Variants in ANAPC2 observed in about 807,000 individuals in gnomAD.
The protein encoded by ANAPC2 is anaphase promoting complex subunit 2.
Under a neutral mutation model 84.3 loss-of-function variants are expected in ANAPC2, and 29 were observed. That is an observed-to-expected ratio of 0.34 (90% CI 0.26 to 0.47). ANAPC2 has a LOEUF of 0.47. Ranked by LOEUF, ANAPC2 falls within the 20% of genes least tolerant of loss-of-function variation. The pLI is 1.00. For missense variants in ANAPC2, 857 were observed against 1,131.7 expected, an observed-to-expected ratio of 0.76 and a Z score of 3.48; for synonymous variants, 571 against 479.4, an observed-to-expected ratio of 1.19 and a Z score of -2.50.
At chr9:137,176,205 G>A (rs529496616) in intron 10 of ANAPC2, 36 of 167,208 alleles carry the variant, frequency 2.2e-4, no homozygotes, top group South Asian at 3.1e-4. Flanking sequence ...ACAGGCAGGC[G>A]GGGAGGGGGC....
rs1281400286 is a variant in ANAPC2 at position 137,187,780 on chromosome 9, C to T, written c.441G>A (p.Gln147=). The stretch of plus-strand genomic sequence containing the variant: ...TAGTGTGGACTTCTTCTCGCAGCCC[C>T]TGAGCACCAGTGCCCATCAGCAAGC... ...RLGLLMGTGA[Q]GLREEVHTML... The change falls in exon 2 of 13, where the codon CAG becomes CAA. Residue 147 remains glutamine, a synonymous_variant. Transcript: ENST00000323927. 6.2e-7 allele frequency: 1 copy of T among 1,613,726 alleles called. No homozygotes were observed. The highest frequency in any genetic ancestry group is 1.1e-5 in the South Asian group (1 of 91,088).
Position 137,180,248 on chromosome 9 carries a change from T to C in ANAPC2, c.1823A>G (p.Lys608Arg). 1 of 1,613,832 alleles carries C rather than the reference T, an allele frequency of 6.2e-7. No homozygotes were observed. Among genetic ancestry groups the C allele is most frequent in the Non-Finnish European group, 8.5e-7 (1 of 1,180,028 alleles). The change falls in exon 10 of 13, where the codon AAG becomes AGG. Residue 608 changes from lysine to arginine, a missense_variant. This residue lies in a region of ANAPC2 where 425 missense variants were observed against 595.5 expected (regional missense o/e 0.71). Transcript: ENST00000323927. ...SEFWPPFKDE[K>R]LEVPEDIRAA... ...CCTGATATCCTCGGGGACCTCCAGC[T>C]TCTCGTCCTTGAAGGGCGGCCAGAA...
Position 137,187,556 on chromosome 9 carries a change from G to A in ANAPC2, c.665C>T (p.Ala222Val), listed in dbSNP as rs763381371. 6.2e-7 allele frequency: 1 copy of A among 1,613,872 alleles called. No individual in the cohort carries two copies. The highest frequency in any genetic ancestry group is 8.5e-7 in the Non-Finnish European group (1 of 1,180,032). ...YYRLLQSPLC[A>V]GCSSDKQQCW... ...CTGTTGCTTGTCACTGCTGCACCCT[G>A]CACACAGCGGGCTCTGCAGGAGCCG... Residue 222 changes from alanine to valine, a missense_variant, in exon 2 of 13, where the codon GCA becomes GTA. By Grantham distance (64) the Ala-to-Val change is moderately conservative. Around this residue, in one of 3 missense-constraint regions of ANAPC2, gnomAD observed 428 missense variants for 513.8 expected, o/e 0.83. Transcript: ENST00000323927.
Position 137,175,009 on chromosome 9 carries a change from T to C in ANAPC2, c.2402A>G (p.Lys801Arg), listed in dbSNP as rs1409628977. The C allele has an allele frequency of 6.2e-7, 1 of 1,604,842 alleles. No homozygotes were observed. The highest frequency in any genetic ancestry group is 1.3e-5 in the African/African-American group (1 of 74,828). Residue 801 changes from lysine (K) to arginine (R), a missense_variant, in exon 13 of 13, where the codon AAG becomes AGG. By Grantham distance (26) the Lys-to-Arg change is conservative. Around this residue, in one of 3 missense-constraint regions of ANAPC2, gnomAD observed 425 missense variants for 595.5 expected, o/e 0.71. Transcript: ENST00000323927. ...DLQELQGYLQ[K>R]KVRDQQLVYS... is the part of the protein sequence containing the mutation. Reference sequence around the variant, plus strand: ...GACGAGCTGCTGGTCCCGCACCTTCTTCTGCAGGTAGCCCTGCAGCTCCTG... The same window carrying C: ...GACGAGCTGCTGGTCCCGCACCTTCCTCTGCAGGTAGCCCTGCAGCTCCTG...
chr9:137,184,616 C>A (rs920062305), intron 4 of ANAPC2, among the ~76,000 whole-genome samples: 2 of 139,376 alleles, frequency 1.4e-5, no homozygotes, highest in African/African-American at 5.5e-5. Flanking sequence ...GAGCCCCAGA[C>A]GCAGACAGAG....
chr9:137,180,051 G>T, intron 10 of ANAPC2, 130 bp downstream of exon 10: 1 of 989,314 alleles, frequency 1.0e-6, no homozygotes, highest in South Asian at 1.7e-5. Context: ...TGCAGAGGCG[G>T]CTGCGAGACA....
chr9:137,175,639 G>T, intron 11 of ANAPC2, 69 bp downstream of exon 11: 1 of 1,551,854 alleles, frequency 6.4e-7, no homozygotes, highest in East Asian at 2.3e-5. Context: ...ACCCTCACTG[G>T]GGAACAGCCC....
At chr9:137,188,127 C>A in intron 1 of ANAPC2, 24 bp from the exon 2 acceptor site, 1 of 1,601,424 alleles carries the variant, frequency 6.2e-7, no homozygotes, top group Non-Finnish European at 8.5e-7. Flanking sequence ...AACCGTGAGG[C>A]GAGGGGAACA....
At position 137,188,513 on chromosome 9, in the gene ANAPC2, A is replaced by T. The variant is rs190485152; in HGVS notation, c.20T>A (p.Val7Glu). 13 of 1,608,724 alleles carry T rather than the reference A, an allele frequency of 8.1e-6. No individual in the cohort carries two copies. In the African/African-American group the frequency reaches 1.6e-4, roughly 20 times the overall value. ...CCGGGAGTCGCTGTCCCCCTCCGCC[A>T]CCACAACTGCCGCCGCCATCTGCAC... is the stretch of plus-strand genomic sequence containing the variant. The part of the protein sequence containing the change: MAAAVV[V>E]AEGDSDSRPG... Residue 7 changes from valine (V) to glutamate (E), a missense_variant, in exon 1 of 13, where the codon GTG (valine) becomes GAG (glutamate). Val to Glu is a moderately radical substitution (Grantham distance 121, BLOSUM62 -2). Around this residue, in one of 3 missense-constraint regions of ANAPC2, gnomAD observed 428 missense variants for 513.8 expected, o/e 0.83. Transcript: ENST00000323927.
chr9:137,186,398 C>CG (rs1462521048), intron 2 of ANAPC2, 42 bp from the exon 3 acceptor site: 1 of 1,553,166 alleles, frequency 6.4e-7, no homozygotes. Context: ...GAGCACACAC[C>CG]GGCCCCTCTA....
Position 137,183,175 on chromosome 9 carries a change from A to G in ANAPC2, c.1236T>C (p.Pro412=). The G allele has an allele frequency of 6.2e-7, 1 of 1,613,230 alleles. No homozygotes were observed. The highest frequency in any genetic ancestry group is 1.3e-5 in the African/African-American group (1 of 75,018). ...SAIKALRVLD[P]SMVILEVACE... ...AGGCCACCTCCAGGATGACCATGGA[A>G]GGGTCCAGCACGCGCAGCGCCTTGA... Residue 412 remains proline, a synonymous_variant, in exon 6 of 13, where the codon CCT becomes CCC. Coordinates refer to ENST00000323927, the MANE Select transcript of ANAPC2 (RefSeq NM_013366.4).
intron 11 of ANAPC2, 112 bp downstream of exon 11, chr9:137,175,596 G>A: frequency 6.7e-7 from 1 of 1,493,720 alleles, no homozygotes; most frequent in Non-Finnish European, 9.0e-7. Flanking sequence ...AAAGGGAAGG[G>A]TGCCGCCTGC....
At position 137,188,174 on chromosome 9, in the gene ANAPC2, G is replaced by A. The variant is rs1315934131; in HGVS notation, c.118-71C>T. On this transcript the variant is annotated intron_variant, in intron 1 of 12. Transcript: ENST00000323927. ...TGGGGAGAGGCGGGGAAGGGAAGAA[G>A]CTGAGGGGGAGGCTGCAAAAACTCC... The A allele has an allele frequency of 1.6e-5, 24 of 1,540,850 alleles. No homozygotes were observed. The East Asian group carries it at 4.5e-4, about 29-fold the overall frequency.
rs1834516209 is a variant in ANAPC2, at chr9:137,188,055, G to A, written c.166C>T (p.Arg56Trp). The A allele has an allele frequency of 1.9e-6, 3 of 1,613,542 alleles. No individual in the cohort carries two copies. Among genetic ancestry groups the A allele is most frequent in the East Asian group, 2.2e-5 (1 of 44,884 alleles). The change falls in exon 2 of 13, where the codon CGG (arginine) becomes TGG (tryptophan). Residue 56 changes from arginine to tryptophan, a missense_variant. By Grantham distance (101) the Arg-to-Trp change is moderately radical (BLOSUM62 -3). Around this residue, in one of 3 missense-constraint regions of ANAPC2, gnomAD observed 428 missense variants for 513.8 expected, o/e 0.83. Coordinates refer to ENST00000323927, the MANE Select transcript of ANAPC2 (RefSeq NM_013366.4). ...GAVPPKEEEL[R>W]AAVEVLRGHG... The stretch of plus-strand genomic sequence containing the variant: ...CCCCTCAGAACCTCCACCGCCGCCC[G>A]GAGCTCCTCTTCCTTTGGCGGGACT...
At chr9:137,181,617 G>A in intron 7 of ANAPC2, 64 bp downstream of exon 7, 1 of 1,482,096 alleles carries the variant, frequency 6.7e-7, no homozygotes, top group Non-Finnish European at 9.0e-7. Flanking sequence ...GATGAGTCCA[G>A]AGCGGACGGC....
At chr9:137,186,038 G>A (rs1834459895) in intron 3 of ANAPC2, among the ~76,000 whole-genome samples, 186 bp downstream of exon 3, 1 of 152,160 alleles carries the variant, frequency 6.6e-6, no homozygotes. Flanking sequence ...CCTCAGATGC[G>A]TCCTCGCTAT....
At chr9:137,179,762 G>A (rs773317260) in intron 10 of ANAPC2, among the ~76,000 whole-genome samples, 25 of 152,212 alleles carry the variant, frequency 1.6e-4, no homozygotes, top group African/African-American at 9.7e-5. Context: ...GCTGCCCTGG[G>A]CAGAGGGCAG....
chr9:137,180,696 G>A (rs1252154291), intron 8 of ANAPC2, 92 bp downstream of exon 8: 4 of 1,572,022 alleles, frequency 2.5e-6, no homozygotes, highest in Non-Finnish European at 3.4e-6. Context: ...GCTCCAACCA[G>A]GCCCCAGGCA....
chr9:137,183,870 T>G, intron 4 of ANAPC2, 79 bp from the exon 5 acceptor site: 2 of 1,563,820 alleles, frequency 1.3e-6, no homozygotes, highest in Non-Finnish European at 1.7e-6. Context: ...GTGTGCGGTG[T>G]GGGAAAGGAC....
Sources: gnomAD v4.1 joint callset for allele counts (sites outside exome capture counted in the v4.1 genomes callset) on GRCh38, gnomAD v4.1.1 for gene constraint, gnomAD v4.1.1 regional missense constraint, MANE v1.5 for transcripts, NCBI Gene and HGNC (gene_info 2026-07-23, HGNC 2026-07-21) for gene names.